HELZ: variants seen among roughly 807,000 people sequenced by gnomAD.
HELZ encodes ATP-dependent RNA helicase with zinc finger domain.
A neutral mutation model predicts 218.2 loss-of-function variants in HELZ; 23 were observed. That is an observed-to-expected ratio of 0.11 (90% CI 0.08 to 0.15). The LOEUF is 0.15. HELZ is among the 10% of genes least tolerant of loss of function. The probability of loss-of-function intolerance (pLI) is 1.00; values close to 1 mark genes in which losing one functional copy is unlikely to be tolerated. For synonymous variants in HELZ, 814 were observed against 829.4 expected, an observed-to-expected ratio of 0.98 and a Z score of 0.32; for missense variants, 1,813 against 2,353.7, an observed-to-expected ratio of 0.77 and a Z score of 4.75.
chr17:67,138,752 A>G (rs973225), intron 21 of HELZ, among the ~76,000 whole-genome samples: 22,089 of 152,220 alleles, frequency 0.15, 2,041 homozygotes, highest in Non-Finnish European at 0.21. Context: ...GCAATAAAGC[A>G]ATGCCACAGT....
chr17:67,124,038 T>A, intron 24 of HELZ, 24 bp from the exon 25 acceptor site: 1 of 1,457,290 alleles, frequency 6.9e-7, no homozygotes, highest in Non-Finnish European at 9.6e-7. Flanking sequence ...CACAAATGTA[T>A]AATAATTTAA....
chr17:67,155,588 A>ACCTT (rs1319449300), intron 17 of HELZ, among the ~76,000 whole-genome samples: 9 of 152,168 alleles, frequency 5.9e-5, no homozygotes, highest in Non-Finnish European at 1.0e-4. Context: ...AAGCTACCAT[A>ACCTT]CACTTTGGGA....
chr17:67,106,169 T>A (rs897468351), intron 31 of HELZ, among the ~76,000 whole-genome samples: 5 of 152,088 alleles, frequency 3.3e-5, no homozygotes, highest in South Asian at 2.1e-4. Context: ...GCAAATTTAA[T>A]GGGATCAGCT....
At chr17:67,202,420 G>A (rs776501964) in intron 6 of HELZ, among the ~76,000 whole-genome samples, 1 of 152,104 alleles carries the variant, frequency 6.6e-6, no homozygotes, top group Non-Finnish European at 1.5e-5. Context: ...GAGCCCAAGA[G>A]TTCAAAGCTG....
In HELZ at chr17:67,076,338, T is replaced by C. The variant is rs1436909187; in HGVS notation, c.*1914A>G. On this transcript the variant is annotated 3_prime_UTR_variant, in exon 33 of 33. Coordinates refer to ENST00000358691, the MANE Select transcript of HELZ (RefSeq NM_014877.4). The stretch of plus-strand genomic sequence containing the variant: ...TTCTTCTTTTCTTCCTACTAAAGAA[T>C]GTTGAGTAAAATTTGACATTGCTAA... 6.6e-6 allele frequency: 1 copy of C among 152,214 alleles called. No individual in the cohort carries two copies. The highest frequency in any genetic ancestry group is 6.5e-5 in the Admixed American group (1 of 15,286). 9.4% of individuals were successfully genotyped at this position (152,214 alleles called of 1,614,324 possible). A position where few individuals can be genotyped will look rare whatever the true frequency, so the allele number is the denominator to read the frequency against.
chr17:67,113,816 C>G (rs1274946619), intron 28 of HELZ, among the ~76,000 whole-genome samples: 1 of 152,180 alleles, frequency 6.6e-6, no homozygotes, highest in Non-Finnish European at 1.5e-5. Context: ...TGGTTCCATT[C>G]AAATTAGAAA....
intron 9 of HELZ, 61 bp downstream of exon 9, chr17:67,193,897 TAGATAAGGA>T (rs2039961216): frequency 1.8e-6 from 2 of 1,128,408 alleles, no homozygotes; most frequent in African/African-American, 1.5e-5. Flanking sequence ...TTTACTCCAT[TAGATAAGGA>T]AAATTATCTG....
chr17:67,193,505 CAGG>C (rs1426759762), intron 9 of HELZ, among the ~76,000 whole-genome samples: 1 of 152,072 alleles, frequency 6.6e-6, no homozygotes, highest in Admixed American at 6.5e-5. Flanking sequence ...ATCACAAGAT[CAGG>C]AGTTCAAGAC....
chr17:67,089,336 G>A (rs530639269), intron 31 of HELZ, among the ~76,000 whole-genome samples: 2 of 152,054 alleles, frequency 1.3e-5, no homozygotes, highest in East Asian at 3.9e-4. Flanking sequence ...CTTAAAGGAA[G>A]AAAACGAAAA....
intron 31 of HELZ, among the ~76,000 whole-genome samples, chr17:67,098,415 G>A (rs1269873065): frequency 6.6e-6 from 1 of 152,060 alleles, no homozygotes; most frequent in African/African-American, 2.4e-5. Flanking sequence ...TTTTCAATAA[G>A]AATATATTTT....
At chr17:67,153,240 A>G (rs192060851) in intron 17 of HELZ, among the ~76,000 whole-genome samples, 6 of 152,268 alleles carry the variant, frequency 3.9e-5, no homozygotes, top group African/African-American at 1.4e-4. Context: ...ACAAAGAAAA[A>G]AGTATGCAGG....
intron 2 of HELZ, among the ~76,000 whole-genome samples, chr17:67,240,331 C>A (rs1422725389): frequency 6.6e-6 from 1 of 152,182 alleles, no homozygotes; most frequent in Non-Finnish European, 1.5e-5. Flanking sequence ...CTAAATGACA[C>A]CCAGCTGTTT....
chr17:67,096,775 A>G (rs939610313), intron 31 of HELZ, among the ~76,000 whole-genome samples: 9 of 152,186 alleles, frequency 5.9e-5, no homozygotes, highest in Admixed American at 2.6e-4. Context: ...AGATCACTCA[A>G]ACTTTCTCCA....
In HELZ at chr17:67,202,010, C is replaced by T. The variant is rs564913121; in HGVS notation, c.373-825G>A. ...ACACTCAACAATATACCAAGTACTT[C>T]CCTAACTTCTTTTTTTTTAACCAAA... On this transcript the variant is annotated intron_variant, in intron 6 of 32. Coordinates refer to ENST00000358691, the MANE Select transcript of HELZ (RefSeq NM_014877.4). Among the ~76,000 whole-genome samples, 3 of 152,124 alleles carry T rather than the reference C, an allele frequency of 2.0e-5. No homozygotes were observed. In the South Asian group the frequency reaches 6.2e-4, roughly 32 times the overall value.
At chr17:67,163,335 T>C (rs2039043099) in intron 15 of HELZ, among the ~76,000 whole-genome samples, 1 of 152,174 alleles carries the variant, frequency 6.6e-6, no homozygotes, top group African/African-American at 2.4e-5. Flanking sequence ...ATGATAAACA[T>C]TTATAGAAAG....
chr17:67,222,742 C>T (rs2040780993), intron 3 of HELZ, among the ~76,000 whole-genome samples: 1 of 152,124 alleles, frequency 6.6e-6, no homozygotes, highest in Non-Finnish European at 1.5e-5. Context: ...AACTGTCTGT[C>T]AAAGTCAAAA....
intron 3 of HELZ, among the ~76,000 whole-genome samples, chr17:67,237,272 G>A (rs1185626541): frequency 6.6e-6 from 1 of 152,080 alleles, no homozygotes; most frequent in Admixed American, 6.6e-5. Context: ...GCGACAGAGT[G>A]AGACTCTGTC....
intron 3 of HELZ, among the ~76,000 whole-genome samples, chr17:67,228,606 G>A (rs1261696405): frequency 1.3e-5 from 2 of 150,994 alleles, no homozygotes; most frequent in Admixed American, 6.6e-5. Context: ...AGGTTGCAGT[G>A]AGCAGAGATC....
intron 9 of HELZ, among the ~76,000 whole-genome samples, chr17:67,192,089 C>A (rs2039912431): frequency 6.6e-6 from 1 of 151,892 alleles, no homozygotes; most frequent in South Asian, 2.1e-4. Flanking sequence ...ATAATCCCAG[C>A]TACTTGGGAG....
Sources: gnomAD v4.1 joint callset for allele counts (sites outside exome capture counted in the v4.1 genomes callset) on GRCh38, gnomAD v4.1.1 for gene constraint, MANE v1.5 for transcripts, NCBI Gene and HGNC (gene_info 2026-07-23, HGNC 2026-07-21) for gene names.